CAB39L: variants seen among roughly 807,000 people sequenced by gnomAD.
CAB39L encodes the protein calcium binding protein 39 like, also known as calcium-binding protein 39-like.
In CAB39L, 23 loss-of-function variants were observed where a neutral mutation model predicts 39.1. The observed-to-expected ratio is 0.59, with a 90% CI of 0.42 to 0.83. The LOEUF (loss-of-function observed/expected upper bound fraction) is 0.83, where lower values mean the gene tolerates loss of function less well. Ranked by LOEUF, CAB39L falls within the 40% of genes least tolerant of loss-of-function variation. The pLI is 0.00. For synonymous variants in CAB39L, 126 were observed against 137.2 expected, an observed-to-expected ratio of 0.92 and a Z score of 0.57; for missense variants, 366 against 391.9, an observed-to-expected ratio of 0.93 and a Z score of 0.56.
At chr13:49,373,548 T>C (rs1416797152) in intron 5 of CAB39L, among the ~76,000 whole-genome samples, 2 of 152,222 alleles carry the variant, frequency 1.3e-5, no homozygotes, top group African/African-American at 2.4e-5. Context: ...ACTGAAATCA[T>C]ATAATCATCA....
chr13:49,425,711 C>T (rs752458964), intron 3 of CAB39L, among the ~76,000 whole-genome samples: 5 of 152,096 alleles, frequency 3.3e-5, no homozygotes, highest in Non-Finnish European at 7.4e-5. Flanking sequence ...TACAGACAAT[C>T]CTTTTCAAAA....
intron 3 of CAB39L, among the ~76,000 whole-genome samples, chr13:49,420,143 C>T (rs1052277492): frequency 2.0e-5 from 3 of 152,078 alleles, no homozygotes; most frequent in Admixed American, 1.3e-4. Context: ...TTTTAATATT[C>T]TTTAATGTAC....
intron 3 of CAB39L, chr13:49,420,360 A>G (rs1157500841): frequency 6.6e-6 from 1 of 151,902 alleles, no homozygotes; most frequent in African/African-American, 2.4e-5. Flanking sequence ...TCCCAAATCT[A>G]CTCCTCTGCT....
chr13:49,344,671 G>A (rs1469525636), intron 7 of CAB39L, among the ~76,000 whole-genome samples: 6 of 151,956 alleles, frequency 3.9e-5, no homozygotes, highest in Non-Finnish European at 4.4e-5. Flanking sequence ...ACAGGCGCCC[G>A]CCACCACATC....
chr13:49,323,298 A>T (rs976044126), intron 10 of CAB39L, among the ~76,000 whole-genome samples: 2 of 152,172 alleles, frequency 1.3e-5, no homozygotes, highest in Admixed American at 6.5e-5. Flanking sequence ...CTCTGCTATC[A>T]CTTGCTCACC....
intron 10 of CAB39L, among the ~76,000 whole-genome samples, chr13:49,321,173 A>C (rs1003764725): frequency 2.6e-5 from 4 of 152,256 alleles, no homozygotes; most frequent in Admixed American, 2.6e-4. Flanking sequence ...CCACCCAGAG[A>C]TAACCCCTGT....
intron 1 of CAB39L, among the ~76,000 whole-genome samples, chr13:49,443,604 C>T (rs1308953037): frequency 6.6e-6 from 1 of 152,154 alleles, no homozygotes; most frequent in East Asian, 1.9e-4. Context: ...CCTCCTTTGT[C>T]AAAGGGGGTT....
intron 10 of CAB39L, among the ~76,000 whole-genome samples, chr13:49,318,218 T>C (rs1438121505): frequency 6.6e-6 from 1 of 151,702 alleles, no homozygotes; most frequent in Non-Finnish European, 1.5e-5. Flanking sequence ...TCCCAACACT[T>C]GGGGAGGCTA....
intron 3 of CAB39L, among the ~76,000 whole-genome samples, chr13:49,395,366 G>T (rs1956588557): frequency 6.6e-6 from 1 of 151,822 alleles, no homozygotes; most frequent in African/African-American, 2.4e-5. Context: ...CTCCCGAGTA[G>T]CTGGGATTAC....
chr13:49,358,716 C>T (rs754783525), intron 6 of CAB39L, among the ~76,000 whole-genome samples: 3 of 151,942 alleles, frequency 2.0e-5, no homozygotes, highest in Non-Finnish European at 4.4e-5. Flanking sequence ...AAAAATTAGC[C>T]ATGCGTGGTG....
At chr13:49,433,509 A>G (rs989193376) in intron 2 of CAB39L, 116 bp from the exon 3 acceptor site, 7 of 371,398 alleles carry the variant, frequency 1.9e-5, no homozygotes, top group Admixed American at 7.6e-5. Flanking sequence ...TCATAATCAA[A>G]TACTAATACA....
chr13:49,358,347 A>T (rs1348986773), intron 6 of CAB39L, among the ~76,000 whole-genome samples: 1 of 152,232 alleles, frequency 6.6e-6, no homozygotes, highest in East Asian at 1.9e-4. Context: ...GATAAAGTTT[A>T]TTAGGAAGAT....
chr13:49,433,465 T>C lies in CAB39L; in HGVS notation c.-107-72A>G, dbSNP rs115746352. 0.012 allele frequency: 4,994 copies of C among 418,396 alleles called. 191 individuals carry two copies. Among genetic ancestry groups the C allele is most frequent in the African/African-American group, 0.093 (4,462 of 47,940 alleles). 25.9% of individuals were successfully genotyped at this position (418,396 alleles called of 1,614,324 possible). A position where few individuals can be genotyped will look rare whatever the true frequency, so the allele number is the denominator to read the frequency against. On this transcript the variant is annotated intron_variant, in intron 2 of 10. Coordinates refer to ENST00000409308, the MANE Select transcript of CAB39L (RefSeq NM_001079670.3). ...TAAATCCAACATATTTTCTTATTGC[T>C]TTCAGGTATACAGAATTACAAATTA...
chr13:49,422,944 C>T (rs1168494588), intron 3 of CAB39L, among the ~76,000 whole-genome samples: 1 of 152,082 alleles, frequency 6.6e-6, no homozygotes, highest in Non-Finnish European at 1.5e-5. Context: ...GATACTAGGT[C>T]ATTTTTAAGA....
At chr13:49,406,432 G>A (rs891099824) in intron 3 of CAB39L, among the ~76,000 whole-genome samples, 4 of 147,140 alleles carry the variant, frequency 2.7e-5, no homozygotes, top group Admixed American at 1.4e-4. Context: ...CGCCTACCTC[G>A]GCCTCCCAAA....
rs539340182 is a variant in CAB39L, at chr13:49,425,843, G to A, written c.-32+7475C>T. 3.3e-5 allele frequency among the ~76,000 whole-genome samples: 5 copies of A among 152,218 alleles called. No homozygotes were observed. The South Asian group carries it at 1.0e-3, about 32-fold the overall frequency. ...TCGGGAAATGATTCTCCATGGCTCTGGGATCCATCTTCCAGGTTCAGCCCT... is the reference window on the plus strand; with the variant it reads ...TCGGGAAATGATTCTCCATGGCTCTAGGATCCATCTTCCAGGTTCAGCCCT... On this transcript the variant is annotated intron_variant, in intron 3 of 10. Coordinates refer to ENST00000409308, the MANE Select transcript of CAB39L (RefSeq NM_001079670.3).
chr13:49,328,641 G>C lies in CAB39L; in HGVS notation c.834+3306C>G, dbSNP rs551243304. Among the ~76,000 whole-genome samples the C allele has an allele frequency of 7.9e-5, 12 of 152,150 alleles. No individual in the cohort carries two copies. In the East Asian group the frequency reaches 2.3e-3, roughly 29 times the overall value. ...AGCCCAGGAGTTTGAGACCAGCCTA[G>C]GTAAAACAGCGAGACCTCATCACTG... is the stretch of plus-strand genomic sequence containing the variant. On this transcript the variant is annotated intron_variant, in intron 10 of 10. Coordinates refer to ENST00000409308, the MANE Select transcript of CAB39L (RefSeq NM_001079670.3).
At chr13:49,393,595 G>A (rs764144790) in intron 3 of CAB39L, among the ~76,000 whole-genome samples, 11 of 151,824 alleles carry the variant, frequency 7.2e-5, no homozygotes, top group Middle Eastern at 3.8e-3. Flanking sequence ...GTATTTTTCT[G>A]CATTATTTAT....
intron 8 of CAB39L, among the ~76,000 whole-genome samples, chr13:49,342,402 T>C (rs78776372): frequency 0.23 from 34,626 of 152,146 alleles, 4,226 homozygotes; most frequent in Middle Eastern, 0.31. Context: ...ATAAATATCA[T>C]ATACACATGA....
Sources: gnomAD v4.1 joint callset for allele counts (sites outside exome capture counted in the v4.1 genomes callset) on GRCh38, gnomAD v4.1.1 for gene constraint, MANE v1.5 for transcripts, NCBI Gene and HGNC (gene_info 2026-07-23, HGNC 2026-07-21) for gene names.